The following ATG4A variants were observed in gnomAD, a reference collection of about 807,000 sequenced individuals.
The protein encoded by ATG4A is cysteine protease ATG4A.
A neutral mutation model predicts 38.4 loss-of-function variants in ATG4A; 22 were observed. The observed-to-expected ratio is 0.57, with a 90% CI of 0.41 to 0.82. The LOEUF is 0.82. Among genes scored for constraint, ATG4A ranks in the 40% least tolerant of loss-of-function variants. The probability of loss-of-function intolerance (pLI) is 0.00; values close to 1 mark genes in which losing one functional copy is unlikely to be tolerated. For missense variants in ATG4A, 220 were observed against 290.0 expected, an observed-to-expected ratio of 0.76 and a Z score of 1.75; for synonymous variants, 86 against 100.7, an observed-to-expected ratio of 0.85 and a Z score of 0.88.
intron 2 of ATG4A, chrX:108,126,949 G>A: frequency 3.2e-6 from 1 of 313,510 alleles, no homozygotes; most frequent in Non-Finnish European, 5.9e-6. Flanking sequence ...ACAGGAAGAG[G>A]CTGATGAAAA....
rs746903181 is a variant in ATG4A at position 108,154,209 on chromosome X, T to A, written c.*497T>A. 8.8e-6 allele frequency: 1 copy of A among 113,187 alleles called. No homozygotes were observed. The highest frequency in any genetic ancestry group is 1.9e-5 in the Non-Finnish European group (1 of 53,526). The allele number at this position is 113,187 out of a possible 1,213,427, so 9.3% of individuals were successfully genotyped here. ...AGGTTCTTGTTAAATTATTTGATTG[T>A]GTAGTTGAAGTAATTATAATTTATA... On this transcript the variant is annotated 3_prime_UTR_variant, in exon 13 of 13. Coordinates refer to ENST00000372232, the MANE Select transcript of ATG4A (RefSeq NM_052936.5).
chrX:108,114,735 T>C (rs1477789522), intron 1 of ATG4A, among the ~76,000 whole-genome samples: 2 of 110,425 alleles, frequency 1.8e-5, no homozygotes, highest in East Asian at 5.7e-4. Flanking sequence ...TGGTTTTTAA[T>C]TGGTAAAGTC....
At chrX:108,099,393 C>T (rs1370539880) in intron 1 of ATG4A, among the ~76,000 whole-genome samples, 1 of 111,025 alleles carries the variant, frequency 9.0e-6, no homozygotes, top group Non-Finnish European at 1.9e-5. Context: ...ATTCTAGATA[C>T]CAGTTCTTTG....
chrX:108,100,604 G>A (rs1199239342), intron 1 of ATG4A, among the ~76,000 whole-genome samples: 1 of 111,199 alleles, frequency 9.0e-6, no homozygotes, highest in Non-Finnish European at 1.9e-5. Context: ...CTAGTTGTCT[G>A]AGTGTTTTTA....
In ATG4A at chrX:108,138,248, A is replaced by G. The variant is rs1468791774; in HGVS notation, c.814+57A>G. On this transcript the variant is annotated intron_variant, in intron 9 of 12. Transcript: ENST00000372232. The stretch of plus-strand genomic sequence containing the variant: ...GTGGGCTAGGGGAGGGCGTGGGGAC[A>G]AGGTTTGCATGGGAGACCAGGCAAT... The G allele has an allele frequency of 4.7e-6, 5 of 1,072,948 alleles. No homozygotes were observed. The Admixed American group carries it at 1.1e-4, about 23-fold the overall frequency. The allele number at this position is 1,072,948 out of a possible 1,213,427, so 88.4% of individuals were successfully genotyped here. A position where few individuals can be genotyped will look rare whatever the true frequency, so the allele number is the denominator to read the frequency against.
intron 2 of ATG4A, 94 bp downstream of exon 2, chrX:108,126,281 T>C (rs1217513193): frequency 1.7e-6 from 1 of 605,671 alleles, no homozygotes; most frequent in Non-Finnish European, 2.7e-6. Context: ...TGGCAGAGCA[T>C]TGTCTTGCTC....
At chrX:108,116,489 C>A (rs1457983526) in intron 1 of ATG4A, among the ~76,000 whole-genome samples, 3 of 111,748 alleles carry the variant, frequency 2.7e-5, no homozygotes, top group Admixed American at 9.5e-5. Context: ...AGACAGGGAA[C>A]CTCCATCCTC....
intron 1 of ATG4A, among the ~76,000 whole-genome samples, chrX:108,116,902 C>T (rs1480429805): frequency 2.7e-5 from 3 of 112,245 alleles, no homozygotes; most frequent in African/African-American, 9.7e-5. Context: ...CGAGTGCTGC[C>T]ATCAGCTTTC....
At chrX:108,144,479 G>A (rs1022983805) in intron 9 of ATG4A, among the ~76,000 whole-genome samples, 4 of 112,035 alleles carry the variant, frequency 3.6e-5, no homozygotes, top group African/African-American at 3.3e-5. Flanking sequence ...AGGGGCTGTA[G>A]CCAGGTCAGC....
intron 11 of ATG4A, 198 bp downstream of exon 11, chrX:108,152,056 T>G (rs1339946841): frequency 5.6e-6 from 2 of 359,249 alleles, no homozygotes; most frequent in African/African-American, 5.1e-5. Flanking sequence ...AATTTTGGTT[T>G]GAAATATGCT....
intron 9 of ATG4A, among the ~76,000 whole-genome samples, chrX:108,140,977 CAT>C (rs1352281689): frequency 6.5e-4 from 55 of 85,123 alleles, no homozygotes; most frequent in South Asian, 2.5e-3. Context: ...CATATATACA[CAT>C]ATATATACGT....
At chrX:108,097,726 G>A (rs1320174743) in intron 1 of ATG4A, among the ~76,000 whole-genome samples, 1 of 111,567 alleles carries the variant, frequency 9.0e-6, no homozygotes, top group Non-Finnish European at 1.9e-5. Context: ...ACAACTTGAG[G>A]GTATACGCAA....
chrX:108,091,275 G>A, upstream of ATG4A: 1 of 567,925 alleles, frequency 1.8e-6, no homozygotes, highest in Non-Finnish European at 3.0e-6. Flanking sequence ...GTGACCCAGG[G>A]GGACTGCTTG....
At chrX:108,102,546 G>A (rs979187897) in intron 1 of ATG4A, among the ~76,000 whole-genome samples, 1 of 111,409 alleles carries the variant, frequency 9.0e-6, no homozygotes, top group African/African-American at 3.3e-5. Context: ...TTTAGTTTGA[G>A]GTAGTACCAC....
At chrX:108,108,039 A>G (rs550686691) in intron 1 of ATG4A, among the ~76,000 whole-genome samples, 48 of 110,557 alleles carry the variant, frequency 4.3e-4, no homozygotes, top group African/African-American at 1.5e-3. Flanking sequence ...AGGGAGGAGT[A>G]TAGTTTTTTC....
At chrX:108,140,788 T>C (rs1477326198) in intron 9 of ATG4A, among the ~76,000 whole-genome samples, 1 of 98,958 alleles carries the variant, frequency 1.0e-5, no homozygotes. Flanking sequence ...TATAAATATA[T>C]AACATAAATG....
chrX:108,150,067 G>A (rs1323474397), intron 9 of ATG4A, 85 bp from the exon 10 acceptor site: 2 of 1,062,008 alleles, frequency 1.9e-6, no homozygotes, highest in Non-Finnish European at 2.6e-6. Context: ...GAGGGGTTAA[G>A]AGAACCAGAG....
intron 9 of ATG4A, among the ~76,000 whole-genome samples, chrX:108,145,190 G>T (rs1266537511): frequency 1.8e-5 from 2 of 112,460 alleles, no homozygotes; most frequent in Non-Finnish European, 3.8e-5. Flanking sequence ...AGTCCAGTGT[G>T]TTTGCTACTT....
intron 9 of ATG4A, among the ~76,000 whole-genome samples, chrX:108,148,404 C>T (rs2033489938): frequency 9.6e-6 from 1 of 104,381 alleles, no homozygotes; most frequent in African/African-American, 3.5e-5. Flanking sequence ...CAGTACTTTG[C>T]ATCTGTCAAT....
Sources: allele counts gnomAD v4.1 joint callset (sites outside exome capture counted in the v4.1 genomes callset), GRCh38; gene constraint gnomAD v4.1.1; transcripts MANE v1.5; gene names NCBI Gene and HGNC (gene_info 2026-07-23, HGNC 2026-07-21).